Variants in ROR1 observed in about 807,000 individuals in gnomAD.
ROR1 encodes inactive tyrosine-protein kinase transmembrane receptor ROR1.
Under a neutral mutation model 78.8 loss-of-function variants are expected in ROR1, and 19 were observed. That is an observed-to-expected ratio of 0.24 (90% confidence interval 0.17 to 0.35). The LOEUF (loss-of-function observed/expected upper bound fraction) is 0.35, where lower values mean the gene tolerates loss of function less well. ROR1 is among the 10% of genes least tolerant of loss of function. ROR1 has a pLI of 1.00. For missense variants in ROR1, 917 were observed against 1,177.8 expected (o/e 0.78, Z 3.24); for synonymous variants, 386 against 433.6 (o/e 0.89, Z 1.36).
At chr1:64,023,709 G>A (rs1342763689) in intron 2 of ROR1, among the ~76,000 whole-genome samples, 2 of 152,074 alleles carry the variant, frequency 1.3e-5, no homozygotes, top group Non-Finnish European at 2.9e-5. Flanking sequence ...ATCATATTGA[G>A]CCATTCTCTT....
intron 4 of ROR1, among the ~76,000 whole-genome samples, chr1:64,121,049 G>A (rs1648512208): frequency 7.6e-6 from 1 of 131,352 alleles, no homozygotes; most frequent in Non-Finnish European, 1.6e-5. Flanking sequence ...CTCCAGTCAG[G>A]GAGATACCCC....
intron 4 of ROR1, among the ~76,000 whole-genome samples, chr1:64,065,631 A>G (rs1306197460): frequency 3.3e-5 from 5 of 152,186 alleles, no homozygotes; most frequent in Admixed American, 2.0e-4. Context: ...GAAGTCCAGT[A>G]GTGGAGGTCA....
intron 4 of ROR1, among the ~76,000 whole-genome samples, chr1:64,129,248 A>G (rs975964230): frequency 3.3e-5 from 5 of 152,120 alleles, no homozygotes; most frequent in African/African-American, 9.7e-5. Flanking sequence ...AAACCCTTCT[A>G]AGATGTCCCT....
chr1:63,897,244 C>T (rs1224884055), intron 1 of ROR1, among the ~76,000 whole-genome samples: 8 of 152,154 alleles, frequency 5.3e-5, no homozygotes, highest in East Asian at 3.9e-4. Flanking sequence ...ATGTAACCTT[C>T]GACAAAATAA....
At chr1:64,138,567 A>G (rs1275118149) in intron 5 of ROR1, among the ~76,000 whole-genome samples, 3 of 143,586 alleles carry the variant, frequency 2.1e-5, no homozygotes, top group Non-Finnish European at 3.0e-5. Flanking sequence ...TTTTTTTGAG[A>G]TGGAGTCTCG....
intron 1 of ROR1, among the ~76,000 whole-genome samples, chr1:63,975,849 G>A (rs1245060923): frequency 6.6e-6 from 1 of 152,120 alleles, no homozygotes; most frequent in African/African-American, 2.4e-5. Context: ...TCTACATCCA[G>A]CACCCTGCAT....
intron 1 of ROR1, among the ~76,000 whole-genome samples, chr1:63,849,396 A>T (rs887699093): frequency 6.6e-6 from 1 of 152,148 alleles, no homozygotes; most frequent in Non-Finnish European, 1.5e-5. Flanking sequence ...CACCAGTCTT[A>T]TTTAAAATGC....
At chr1:63,785,940 A>G (rs1300406614) in intron 1 of ROR1, among the ~76,000 whole-genome samples, 1 of 152,204 alleles carries the variant, frequency 6.6e-6, no homozygotes, top group African/African-American at 2.4e-5. Context: ...AAGTCAAAGC[A>G]TTGAAAACTT....
chr1:64,122,776 T>G (rs1244397246), intron 4 of ROR1, among the ~76,000 whole-genome samples: 2 of 152,194 alleles, frequency 1.3e-5, no homozygotes, highest in Non-Finnish European at 2.9e-5. Flanking sequence ...CTCTAGCTCC[T>G]TCAATGATTC....
chr1:63,855,762 C>A (rs1016369503), intron 1 of ROR1, among the ~76,000 whole-genome samples: 1 of 151,864 alleles, frequency 6.6e-6, no homozygotes, highest in Non-Finnish European at 1.5e-5. Flanking sequence ...GATTCTCCTG[C>A]CTCAGCCTCC....
At chr1:63,939,214 T>C (rs1446797211) in intron 1 of ROR1, among the ~76,000 whole-genome samples, 1 of 152,190 alleles carries the variant, frequency 6.6e-6, no homozygotes, top group Non-Finnish European at 1.5e-5. Context: ...GTTTCCAACC[T>C]TTGCTGCACA....
At chr1:63,940,148 C>T (rs1645824643) in intron 1 of ROR1, among the ~76,000 whole-genome samples, 2 of 152,224 alleles carry the variant, frequency 1.3e-5, no homozygotes, top group Admixed American at 1.3e-4. Flanking sequence ...GTCATTTGAG[C>T]AACAGCTACA....
At chr1:64,175,004 GTTT>G (rs565910998) in intron 8 of ROR1, among the ~76,000 whole-genome samples, 1 of 138,892 alleles carries the variant, frequency 7.2e-6, no homozygotes, top group South Asian at 2.3e-4. Context: ...TTCGCCTATT[GTTT>G]TTTTTTTTTT....
chr1:63,858,339 T>C (rs1437300933), intron 1 of ROR1, among the ~76,000 whole-genome samples: 1 of 152,202 alleles, frequency 6.6e-6, no homozygotes, highest in African/African-American at 2.4e-5. Flanking sequence ...CTTTCAAATC[T>C]ATGGCCCAGA....
rs538984481 is a variant in ROR1, at chr1:63,951,460, G to A, written c.92-57845G>A. On this transcript the variant is annotated intron_variant, in intron 1 of 8. Coordinates refer to ENST00000371079, the MANE Select transcript of ROR1 (RefSeq NM_005012.4). ...GATATGAGGAAAATAGGGTAAAAGA[G>A]GGGGGCTGGGGAGAACTCGTCTCTG... Among the ~76,000 whole-genome samples the A allele has an allele frequency of 3.3e-5, 5 of 152,236 alleles. No homozygotes were observed. The East Asian group carries it at 7.7e-4, about 24-fold the overall frequency.
intron 1 of ROR1, among the ~76,000 whole-genome samples, chr1:63,869,391 G>C (rs1258231255): frequency 6.6e-6 from 1 of 152,076 alleles, no homozygotes; most frequent in Non-Finnish European, 1.5e-5. Context: ...ATTGTGACTG[G>C]GCCAACTTTG....
chr1:63,816,983 G>A (rs1644895936), intron 1 of ROR1, among the ~76,000 whole-genome samples: 1 of 152,208 alleles, frequency 6.6e-6, no homozygotes, highest in Admixed American at 6.5e-5. Context: ...GGGAAAGATA[G>A]GCATCGTTCC....
chr1:64,067,937 C>T (rs1224912485), intron 4 of ROR1, among the ~76,000 whole-genome samples: 1 of 152,102 alleles, frequency 6.6e-6, no homozygotes, highest in Non-Finnish European at 1.5e-5. Context: ...TGGTCTCGAT[C>T]TCCTGACCTC....
At chr1:64,150,209 A>G (rs749832239) in intron 7 of ROR1, among the ~76,000 whole-genome samples, 1 of 152,096 alleles carries the variant, frequency 6.6e-6, no homozygotes. Flanking sequence ...AAGCAGCAGT[A>G]TTGTTTTTAC....
Sources: allele counts gnomAD v4.1 joint callset (sites outside exome capture counted in the v4.1 genomes callset), GRCh38; gene constraint gnomAD v4.1.1; transcripts MANE v1.5; gene names NCBI Gene and HGNC (gene_info 2026-07-23, HGNC 2026-07-21).